The following WWC1 variants were observed in gnomAD, a reference collection of about 807,000 sequenced individuals.
The protein encoded by WWC1 is protein KIBRA.
Under a neutral mutation model 138.4 loss-of-function variants are expected in WWC1, and 55 were observed. The ratio of observed to expected loss-of-function variants is 0.40; its 90% CI spans 0.32 to 0.50. The LOEUF (loss-of-function observed/expected upper bound fraction) is 0.50, where lower values mean the gene tolerates loss of function less well. WWC1 is among the 20% of genes least tolerant of loss of function. WWC1 has a pLI of 0.72. For synonymous variants in WWC1, 524 were observed against 564.9 expected (o/e 0.93, Z 1.03); for missense variants, 1,226 against 1,420.4 (o/e 0.86, Z 2.20).
chr5:168,380,233 C>T (rs911103222), intron 2 of WWC1, among the ~76,000 whole-genome samples: 7 of 152,024 alleles, frequency 4.6e-5, no homozygotes, highest in Non-Finnish European at 1.0e-4. Flanking sequence ...CACTTGAGCC[C>T]GGGAGTTCAC....
intron 15 of WWC1, among the ~76,000 whole-genome samples, chr5:168,437,884 C>T (rs1241255909): frequency 6.6e-6 from 1 of 152,152 alleles, no homozygotes; most frequent in African/African-American, 2.4e-5. Flanking sequence ...TAGGAAACCA[C>T]GAGACCCGTT....
Position 168,315,002 on chromosome 5 carries a change from C to T in WWC1, c.119+22731C>T, listed in dbSNP as rs376484524. ...CCGCCCGTCTCAGAAGACACTCAGT[C>T]CGTTGGTGTGAGGGAGGCTGCTGAC... On this transcript the variant is annotated intron_variant, in intron 1 of 22. Coordinates refer to ENST00000265293, the MANE Select transcript of WWC1 (RefSeq NM_015238.3). Among the ~76,000 whole-genome samples the T allele has an allele frequency of 4.6e-5, 7 of 152,230 alleles. No individual in the cohort carries two copies. The South Asian group carries it at 6.2e-4, about 14-fold the overall frequency.
At chr5:168,427,660 A>G (rs777770121) in intron 11 of WWC1, among the ~76,000 whole-genome samples, 6 of 147,848 alleles carry the variant, frequency 4.1e-5, no homozygotes, top group Non-Finnish European at 7.4e-5. Context: ...AGGCTCCCCG[A>G]ATCCCAAAGT....
At chr5:168,434,360 G>A (rs1782182775) in intron 15 of WWC1, among the ~76,000 whole-genome samples, 1 of 107,152 alleles carries the variant, frequency 9.3e-6, no homozygotes, top group Non-Finnish European at 1.8e-5. Context: ...GAAGTGAGAT[G>A]GGAGGAAAAA....
chr5:168,407,937 A>G (rs1290242938), intron 6 of WWC1, among the ~76,000 whole-genome samples: 1 of 150,798 alleles, frequency 6.6e-6, no homozygotes, highest in Non-Finnish European at 1.5e-5. Flanking sequence ...ATCATAGCTC[A>G]CTGCAGCGTC....
Position 168,441,664 on chromosome 5 carries a change from T to C in WWC1, c.2281-18T>C, listed in dbSNP as rs1019716422. The C allele has an allele frequency of 1.2e-6, 2 of 1,612,760 alleles. No individual in the cohort carries two copies. The highest frequency in any genetic ancestry group is 3.3e-5 in the Admixed American group (2 of 59,932). On this transcript the variant is annotated intron_variant, in intron 15 of 22. Coordinates refer to ENST00000265293, the MANE Select transcript of WWC1 (RefSeq NM_015238.3). The stretch of plus-strand genomic sequence containing the variant: ...CCCCCACCGCCACTTATGTTCTCCT[T>C]GTTTCCATCCCCAACAGGGAGGCGC...
At chr5:168,311,906 G>A (rs1370187605) in intron 1 of WWC1, among the ~76,000 whole-genome samples, 5 of 151,426 alleles carry the variant, frequency 3.3e-5, no homozygotes, top group East Asian at 1.9e-4. Context: ...AAAATTAGCC[G>A]GGCATGGTGG....
At chr5:168,378,875 G>T (rs924250991) in intron 2 of WWC1, among the ~76,000 whole-genome samples, 4 of 152,152 alleles carry the variant, frequency 2.6e-5, no homozygotes, top group African/African-American at 9.7e-5. Context: ...TGCTTTTGTT[G>T]TTGCTAAGGC....
intron 8 of WWC1, 26 bp downstream of exon 8, chr5:168,410,021 G>A (rs745629799): frequency 6.2e-7 from 1 of 1,611,534 alleles, no homozygotes; most frequent in Non-Finnish European, 8.5e-7. Context: ...CTAGGGGCGG[G>A]ATGGTTCCAA....
chr5:168,311,875 TA>T lies in WWC1; in HGVS notation c.119+19619del, dbSNP rs879658323. Among the ~76,000 whole-genome samples, 673 of 136,228 alleles carry T rather than the reference TA, an allele frequency of 4.9e-3. 2 individuals are homozygous for T. Among genetic ancestry groups the T allele is most frequent in the South Asian group, 0.019 (81 of 4,252 alleles). The allele number at this position is 136,228 out of a possible 152,430, so 89.4% of individuals were successfully genotyped here. On this transcript the variant is annotated intron_variant, in intron 1 of 22. Coordinates refer to ENST00000265293, the MANE Select transcript of WWC1 (RefSeq NM_015238.3). ...CTAGGCAACAGAGCAAGACTCAGTC[TA>T]AAAAAAAAAAAAAATTACAAAAATT...
At chr5:168,440,096 ATGGG>A (rs983700397) in intron 15 of WWC1, among the ~76,000 whole-genome samples, 9 of 152,198 alleles carry the variant, frequency 5.9e-5, no homozygotes, top group Non-Finnish European at 1.0e-4. Context: ...GTAACACAGA[ATGGG>A]TATTCAACAA....
intron 16 of WWC1, among the ~76,000 whole-genome samples, chr5:168,442,944 A>G (rs939295233): frequency 6.6e-6 from 1 of 152,170 alleles, no homozygotes; most frequent in Non-Finnish European, 1.5e-5. Context: ...GTATTAAAAT[A>G]TCCTTAAACT....
chr5:168,318,001 T>C (rs1215782278), intron 1 of WWC1, among the ~76,000 whole-genome samples: 1 of 152,348 alleles, frequency 6.6e-6, no homozygotes, highest in African/African-American at 2.4e-5. Flanking sequence ...ATTCAGCTTC[T>C]ATTGTGTAAC....
At chr5:168,382,820 C>CT (rs1777751382) in intron 2 of WWC1, among the ~76,000 whole-genome samples, 1 of 152,130 alleles carries the variant, frequency 6.6e-6, no homozygotes, top group Non-Finnish European at 1.5e-5. Flanking sequence ...TCAGACCTTA[C>CT]TTTTTTTCTC....
Position 168,320,788 on chromosome 5 carries a change from T to C in WWC1, c.119+28517T>C, listed in dbSNP as rs969685817. Among the ~76,000 whole-genome samples, 14 of 152,010 alleles carry C rather than the reference T, an allele frequency of 9.2e-5. No homozygotes were observed. In the East Asian group the frequency reaches 2.7e-3, roughly 30 times the overall value. On this transcript the variant is annotated intron_variant, in intron 1 of 22. Transcript: ENST00000265293. ...GGTTTTCACACCCCAAAGGTGGGTGTGTCAAGGGGCAGAAGAACAGGGGCA... is the reference window on the plus strand; with the variant it reads ...GGTTTTCACACCCCAAAGGTGGGTGCGTCAAGGGGCAGAAGAACAGGGGCA...
At chr5:168,349,054 G>A (rs1296368320) in intron 1 of WWC1, among the ~76,000 whole-genome samples, 4 of 152,140 alleles carry the variant, frequency 2.6e-5, no homozygotes, top group Non-Finnish European at 1.5e-5. Flanking sequence ...TAATACGCCC[G>A]AGATTCAAGA....
At position 168,444,557 on chromosome 5, in the gene WWC1, A is replaced by G; in HGVS notation, c.2497A>G (p.Ser833Gly). ...GCTGGAGAAGAGGCAGGAGGGCAGGAGCAGCACACAGACACTGGAAGACAG... is the reference window on the plus strand; with the variant it reads ...GCTGGAGAAGAGGCAGGAGGGCAGGGGCAGCACACAGACACTGGAAGACAG... ...VELEKRQEGRSSTQTLEDSWR... is the reference protein window; with the variant it reads ...VELEKRQEGRGSTQTLEDSWR... The change falls in exon 17 of 23, where the codon AGC (serine) becomes GGC (glycine). Residue 833 changes from serine (S) to glycine (G), a missense_variant. Ser to Gly is a moderately conservative substitution (Grantham distance 56). This residue lies in a region of WWC1 where 1,016 missense variants were observed against 1,153.9 expected (regional missense o/e 0.88). Coordinates refer to ENST00000265293, the MANE Select transcript of WWC1 (RefSeq NM_015238.3). The G allele has an allele frequency of 1.9e-6, 3 of 1,611,886 alleles. No homozygotes were observed. Among genetic ancestry groups the G allele is most frequent in the Non-Finnish European group, 2.5e-6 (3 of 1,179,308 alleles).
chr5:168,306,302 AG>A (rs1289653980), intron 1 of WWC1, among the ~76,000 whole-genome samples: 3 of 152,196 alleles, frequency 2.0e-5, no homozygotes, highest in Non-Finnish European at 4.4e-5. Context: ...AGGCTGAGGC[AG>A]GGGAATCGCT....
At chr5:168,320,754 G>A (rs1388575107) in intron 1 of WWC1, among the ~76,000 whole-genome samples, 2 of 152,116 alleles carry the variant, frequency 1.3e-5, no homozygotes, top group Admixed American at 1.3e-4. Context: ...ATGGTGGCTG[G>A]AACTGGTGGG....
Sources: gnomAD v4.1 joint callset for allele counts (sites outside exome capture counted in the v4.1 genomes callset) on GRCh38, gnomAD v4.1.1 for gene constraint, gnomAD v4.1.1 regional missense constraint, MANE v1.5 for transcripts, NCBI Gene and HGNC (gene_info 2026-07-23, HGNC 2026-07-21) for gene names.